Variants in OXR1 observed in about 807,000 individuals in gnomAD.
OXR1 encodes oxidation resistance protein 1.
OXR1 carries 41 observed loss-of-function variants against 104.6 expected under a neutral mutation model. The ratio of observed to expected loss-of-function variants is 0.39; its 90% CI spans 0.31 to 0.51. The LOEUF is 0.51. Ranked by LOEUF, OXR1 falls within the 20% of genes least tolerant of loss-of-function variation. The pLI, the probability that OXR1 is intolerant of heterozygous loss-of-function variation, is 0.77. For missense variants in OXR1, 955 were observed against 1,031.9 expected (o/e 0.93, Z 1.02); for synonymous variants, 348 against 348.4 (o/e 1.00, Z 0.01).
intron 16 of OXR1, among the ~76,000 whole-genome samples, chr8:106,746,678 G>A (rs533481836): frequency 6.6e-6 from 1 of 152,294 alleles, no homozygotes; most frequent in Admixed American, 6.5e-5. Flanking sequence ...CTGTAAGTAG[G>A]TGTTTGGAGG....
At chr8:106,492,100 T>G (rs1237993041) in intron 2 of OXR1, among the ~76,000 whole-genome samples, 1 of 152,204 alleles carries the variant, frequency 6.6e-6, no homozygotes, top group Non-Finnish European at 1.5e-5. Flanking sequence ...AAGATAACTT[T>G]TGCCTGATGT....
intron 3 of OXR1, among the ~76,000 whole-genome samples, chr8:106,640,414 ATT>A (rs1240918855): frequency 6.6e-6 from 1 of 151,436 alleles, no homozygotes; most frequent in Non-Finnish European, 1.5e-5. Context: ...TATATTTTAT[ATT>A]TTCATGTTAA....
chr8:106,709,269 T>A (rs1393948412), intron 9 of OXR1, among the ~76,000 whole-genome samples: 1 of 152,110 alleles, frequency 6.6e-6, no homozygotes, highest in Non-Finnish European at 1.5e-5. Context: ...TGTATCCTGC[T>A]TTTTTATGTC....
intron 2 of OXR1, among the ~76,000 whole-genome samples, chr8:106,476,924 G>A (rs1298226725): frequency 6.6e-6 from 1 of 151,696 alleles, no homozygotes; most frequent in African/African-American, 2.4e-5. Flanking sequence ...TGAAAGCCTC[G>A]AGGCATTTTG....
At chr8:106,720,853 G>A (rs1271358158) in intron 11 of OXR1, 1 of 163,422 alleles carries the variant, frequency 6.1e-6, no homozygotes, top group Non-Finnish European at 1.3e-5. Flanking sequence ...TAGCTTAAAG[G>A]AGTGACCACC....
rs147562741 is a variant in OXR1, at chr8:106,477,546, A to G, written c.24-41397A>G. The stretch of plus-strand genomic sequence containing the variant: ...TAATAAATTTCAACTTTTATAATAG[A>G]TGGTGTATATTTTATGGTAATAAAT... On this transcript the variant is annotated intron_variant, in intron 2 of 16. Coordinates refer to ENST00000517566, the MANE Select transcript of OXR1 (RefSeq NM_001198533.2). Among the ~76,000 whole-genome samples the G allele has an allele frequency of 3.1e-3, 464 of 152,054 alleles. 2 individuals are homozygous for G. The highest frequency in any genetic ancestry group is 4.3e-3 in the Non-Finnish European group (292 of 67,920).
chr8:106,577,511 TC>T (rs1185189962), intron 3 of OXR1, among the ~76,000 whole-genome samples: 4 of 143,116 alleles, frequency 2.8e-5, no homozygotes, highest in African/African-American at 1.0e-4. Context: ...TGCCTCAACC[TC>T]CCGAGTAGCT....
At chr8:106,475,980 A>C (rs1821787555) in intron 2 of OXR1, among the ~76,000 whole-genome samples, 1 of 146,274 alleles carries the variant, frequency 6.8e-6, no homozygotes, top group Middle Eastern at 3.4e-3. Flanking sequence ...CTCTGAACAC[A>C]GTTTAATCCA....
chr8:106,691,807 T>C (rs1829314339), intron 6 of OXR1, among the ~76,000 whole-genome samples: 2 of 150,994 alleles, frequency 1.3e-5, no homozygotes, highest in Non-Finnish European at 3.0e-5. Context: ...AGTTGTTTGG[T>C]AGAAGATTTG....
intron 9 of OXR1, 171 bp downstream of exon 9, chr8:106,707,316 T>C (rs1442565706): frequency 1.5e-6 from 1 of 683,624 alleles, no homozygotes; most frequent in African/African-American, 1.8e-5. Context: ...GTCTACTGTC[T>C]TTTCTTATCC....
At chr8:106,344,823 T>A (rs1235409869) in intron 1 of OXR1, among the ~76,000 whole-genome samples, 4 of 152,220 alleles carry the variant, frequency 2.6e-5, no homozygotes, top group African/African-American at 9.6e-5. Flanking sequence ...CTCACATTCA[T>A]CCTTTATTGT....
chr8:106,474,700 C>T (rs1821708884), intron 2 of OXR1, among the ~76,000 whole-genome samples: 1 of 151,802 alleles, frequency 6.6e-6, no homozygotes, highest in Non-Finnish European at 1.5e-5. Flanking sequence ...TGACAGAGAC[C>T]CCATGGTCTG....
chr8:106,473,056 C>T (rs1821603901), intron 2 of OXR1, among the ~76,000 whole-genome samples: 1 of 151,718 alleles, frequency 6.6e-6, no homozygotes, highest in African/African-American at 2.4e-5. Context: ...GTTGAGTTTA[C>T]CATAAAACGT....
At chr8:106,398,123 A>T (rs1193062608) in intron 2 of OXR1, among the ~76,000 whole-genome samples, 1 of 152,096 alleles carries the variant, frequency 6.6e-6, no homozygotes, top group Non-Finnish European at 1.5e-5. Flanking sequence ...TTACCTAATG[A>T]ACTAATTTTA....
At chr8:106,397,463 G>A (rs1051103320) in intron 2 of OXR1, among the ~76,000 whole-genome samples, 1 of 152,106 alleles carries the variant, frequency 6.6e-6, no homozygotes, top group East Asian at 1.9e-4. Context: ...TCAGTTAGTG[G>A]TGGCATTCTA....
chr8:106,497,902 C>G (rs1303188358), intron 2 of OXR1, among the ~76,000 whole-genome samples: 1 of 152,084 alleles, frequency 6.6e-6, no homozygotes, highest in Non-Finnish European at 1.5e-5. Flanking sequence ...ATTTTAATTT[C>G]TGCCCACTTG....
At chr8:106,672,643 T>A (rs1827159814) in intron 3 of OXR1, among the ~76,000 whole-genome samples, 1 of 152,164 alleles carries the variant, frequency 6.6e-6, no homozygotes, top group South Asian at 2.1e-4. Context: ...TGGTTAGGCT[T>A]TGTGTCCCCA....
chr8:106,573,459 G>C (rs1232497297), intron 3 of OXR1, among the ~76,000 whole-genome samples: 2 of 152,122 alleles, frequency 1.3e-5, no homozygotes, highest in Non-Finnish European at 1.5e-5. Context: ...CAAAAGCAGA[G>C]ATGCTGTATT....
intron 1 of OXR1, among the ~76,000 whole-genome samples, chr8:106,318,291 T>C (rs1020163256): frequency 6.6e-6 from 1 of 152,236 alleles, no homozygotes; most frequent in Non-Finnish European, 1.5e-5. Context: ...CAAAACAATA[T>C]GCTTTTTAAA....
Sources: gnomAD v4.1 joint callset for allele counts (sites outside exome capture counted in the v4.1 genomes callset) on GRCh38, gnomAD v4.1.1 for gene constraint, MANE v1.5 for transcripts, NCBI Gene and HGNC (gene_info 2026-07-23, HGNC 2026-07-21) for gene names.